Variants in ARHGEF26 observed in about 807,000 individuals in gnomAD.
The protein encoded by ARHGEF26 is Rho guanine nucleotide exchange factor 26.
Under a neutral mutation model 89.4 loss-of-function variants are expected in ARHGEF26, and 59 were observed. The ratio of observed to expected loss-of-function variants is 0.66; its 90% confidence interval spans 0.54 to 0.82. The LOEUF is 0.82. ARHGEF26 is among the 40% of genes least tolerant of loss of function. The probability of loss-of-function intolerance (pLI) is 0.00; values close to 1 mark genes in which losing one functional copy is unlikely to be tolerated. For synonymous variants in ARHGEF26, 500 were observed against 428.4 expected (o/e 1.17, Z -2.06); for missense variants, 1,234 against 1,085.6 (o/e 1.14, Z -1.92).
At chr3:154,127,268 T>C (rs191153084) in intron 3 of ARHGEF26, among the ~76,000 whole-genome samples, 41 of 152,384 alleles carry the variant, frequency 2.7e-4, no homozygotes, top group African/African-American at 9.1e-4. Flanking sequence ...TTGAATCTTT[T>C]CAACTCTGGT....
intron 6 of ARHGEF26, among the ~76,000 whole-genome samples, chr3:154,184,994 C>T (rs1484068227): frequency 6.6e-6 from 1 of 152,154 alleles, no homozygotes; most frequent in Non-Finnish European, 1.5e-5. Flanking sequence ...TTCCACTGCC[C>T]ATTGTGCTTT....
intron 9 of ARHGEF26, among the ~76,000 whole-genome samples, chr3:154,216,483 TTTTTTTTTA>T (rs1369935985): frequency 3.4e-3 from 95 of 28,046 alleles, no homozygotes; most frequent in African/African-American, 0.013. Flanking sequence ...CACTTGTTTT[TTTTTTTTTA>T]TTTTTTTTTA....
chr3:154,193,547 ATG>A (rs759693668), intron 8 of ARHGEF26, among the ~76,000 whole-genome samples: 1 of 82,912 alleles, frequency 1.2e-5, no homozygotes, highest in East Asian at 3.0e-4. Context: ...TCTGTTTCTC[ATG>A]TGTGGAAATC....
intron 9 of ARHGEF26, among the ~76,000 whole-genome samples, chr3:154,213,973 C>T (rs1020656388): frequency 5.3e-5 from 8 of 151,986 alleles, no homozygotes; most frequent in Non-Finnish European, 1.0e-4. Context: ...GAGGTAGTGC[C>T]CACATTGAGC....
chr3:154,127,001 C>T (rs1290415475), intron 3 of ARHGEF26, among the ~76,000 whole-genome samples: 1 of 152,032 alleles, frequency 6.6e-6, no homozygotes, highest in African/African-American at 2.4e-5. Context: ...AGGAAAAGTA[C>T]AGTAAAAATA....
chr3:154,228,494 C>T (rs1326512173), intron 11 of ARHGEF26, among the ~76,000 whole-genome samples: 1 of 149,958 alleles, frequency 6.7e-6, no homozygotes, highest in African/African-American at 2.5e-5. Context: ...GCAAGATACA[C>T]AGCTCCAATG....
chr3:154,152,786 C>G lies in ARHGEF26; in HGVS notation c.1341C>G (p.Val447=). ...ERKRQEAIFE[V]ISSEHSYLLS... Reference sequence around the variant, plus strand: ...CTTCTTACCAGGCTATCTTTGAAGTCATATCCTCTGAACATTCATATTTAC... The same window carrying G: ...CTTCTTACCAGGCTATCTTTGAAGTGATATCCTCTGAACATTCATATTTAC... The change falls in exon 6 of 15, where the codon GTC becomes GTG. Residue 447 remains valine (V), a synonymous_variant. Transcript: ENST00000465093. 2.6e-6 allele frequency: 4 copies of G among 1,523,860 alleles called. No individual in the cohort carries two copies. Among genetic ancestry groups the G allele is most frequent in the Non-Finnish European group, 3.5e-6 (4 of 1,134,566 alleles). The allele number at this position is 1,523,860 out of a possible 1,614,324, so 94.4% of individuals were successfully genotyped here.
chr3:154,175,937 A>G (rs1034612538), intron 6 of ARHGEF26, among the ~76,000 whole-genome samples: 3 of 152,254 alleles, frequency 2.0e-5, no homozygotes, highest in African/African-American at 7.2e-5. Flanking sequence ...TTAATATAAT[A>G]ACAGGTAATC....
chr3:154,142,650 T>C (rs1049935721), intron 4 of ARHGEF26, among the ~76,000 whole-genome samples: 2 of 151,316 alleles, frequency 1.3e-5, no homozygotes, highest in South Asian at 2.2e-4. Flanking sequence ...TTTACAAAAA[T>C]AGCAAGCAAA....
At chr3:154,203,884 G>T in intron 9 of ARHGEF26, among the ~76,000 whole-genome samples, 1 of 147,774 alleles carries the variant, frequency 6.8e-6, no homozygotes, top group Non-Finnish European at 1.5e-5. Flanking sequence ...CTAATGTGTT[G>T]TTGAATTCAA....
chr3:154,172,278 G>A (rs541465319), intron 6 of ARHGEF26, among the ~76,000 whole-genome samples: 4 of 152,222 alleles, frequency 2.6e-5, no homozygotes, highest in Non-Finnish European at 4.4e-5. Context: ...GAGCACTTCA[G>A]TAAATGCAGT....
chr3:154,244,077 T>C (rs1207059506), intron 12 of ARHGEF26, among the ~76,000 whole-genome samples: 1 of 152,208 alleles, frequency 6.6e-6, no homozygotes, highest in East Asian at 1.9e-4. Flanking sequence ...ATTGGCAATC[T>C]AGTTGAAAAA....
At chr3:154,250,973 AG>A (rs1718112207) in intron 12 of ARHGEF26, among the ~76,000 whole-genome samples, 1 of 152,094 alleles carries the variant, frequency 6.6e-6, no homozygotes, top group Admixed American at 6.6e-5. Context: ...AGAGAGAGAG[AG>A]AGAGAGAGAG....
At chr3:154,204,966 A>C (rs1300288733) in intron 9 of ARHGEF26, among the ~76,000 whole-genome samples, 1 of 152,164 alleles carries the variant, frequency 6.6e-6, no homozygotes, top group Non-Finnish European at 1.5e-5. Context: ...GATCCAAAGA[A>C]TGTGTATTTT....
intron 5 of ARHGEF26, among the ~76,000 whole-genome samples, chr3:154,149,656 A>T (rs1343150253): frequency 6.6e-6 from 1 of 152,206 alleles, no homozygotes; most frequent in South Asian, 2.1e-4. Flanking sequence ...ATCACTCAAC[A>T]TCGTTTGATT....
intron 4 of ARHGEF26, among the ~76,000 whole-genome samples, chr3:154,140,897 T>C (rs1719329061): frequency 6.6e-6 from 1 of 151,334 alleles, no homozygotes; most frequent in Non-Finnish European, 1.5e-5. Context: ...TTCTCATAAC[T>C]TACACTTGAG....
chr3:154,211,827 A>G (rs1365348462), intron 9 of ARHGEF26, among the ~76,000 whole-genome samples: 1 of 151,078 alleles, frequency 6.6e-6, no homozygotes, highest in African/African-American at 2.4e-5. Context: ...TAGTATAATG[A>G]CACCTAGAAA....
intron 6 of ARHGEF26, among the ~76,000 whole-genome samples, chr3:154,177,593 T>C (rs1190390868): frequency 6.6e-6 from 1 of 152,130 alleles, no homozygotes; most frequent in Non-Finnish European, 1.5e-5. Context: ...TCTCAGCCAT[T>C]TGGATCTATA....
rs775143455 is a variant in ARHGEF26, at chr3:154,122,168, TC to T, written c.178del (p.Leu60SerfsTer74). 4 of 1,599,500 alleles carry T rather than the reference TC, an allele frequency of 2.5e-6. No homozygotes were observed. Among genetic ancestry groups the T allele is most frequent in the Non-Finnish European group, 2.6e-6 (3 of 1,173,274 alleles). On this transcript the variant is annotated frameshift_variant, in exon 2 of 15. Transcript: ENST00000465093. LOFTEE classifies it high-confidence loss of function. ...TTCCCGGTGGAGGACGGAGGGACGC[TC>T]CTCGCAGCGCAGATTCCCGCCCAGG... ...TDFPVEDGGT[L>X]LAAQIPAQVP...
Sources: allele counts gnomAD v4.1 joint callset (sites outside exome capture counted in the v4.1 genomes callset), GRCh38; gene constraint gnomAD v4.1.1; transcripts MANE v1.5; gene names NCBI Gene and HGNC (gene_info 2026-07-23, HGNC 2026-07-21).